The following NAA50 variants were observed in gnomAD, a reference collection of about 807,000 sequenced individuals.
NAA50 encodes the protein N-alpha-acetyltransferase 50, NatE catalytic subunit, also known as N-alpha-acetyltransferase 50.
In NAA50, 7 loss-of-function variants were observed where a neutral mutation model predicts 20.7. That is an observed-to-expected ratio of 0.34 (90% CI 0.19 to 0.63). The LOEUF (loss-of-function observed/expected upper bound fraction) is 0.63, where lower values mean the gene tolerates loss of function less well. Among genes scored for constraint, NAA50 ranks in the 30% least tolerant of loss-of-function variants. The pLI is 0.75. For synonymous variants in NAA50, 54 were observed against 70.6 expected, an observed-to-expected ratio of 0.77 and a Z score of 1.18; for missense variants, 111 against 199.1, an observed-to-expected ratio of 0.56 and a Z score of 2.66.
At chr3:113,730,076 G>T (rs1486757203) in intron 1 of NAA50, among the ~76,000 whole-genome samples, 1 of 152,006 alleles carries the variant, frequency 6.6e-6, no homozygotes, top group Admixed American at 6.6e-5. Context: ...GACTCGGGTG[G>T]ATCACTTGAA....
chr3:113,729,828 G>C (rs1205845471), intron 1 of NAA50, among the ~76,000 whole-genome samples: 8 of 152,094 alleles, frequency 5.3e-5, no homozygotes, highest in Non-Finnish European at 1.0e-4. Context: ...AAAGTGCTGG[G>C]ATTACAGGGA....
In NAA50 at chr3:113,716,638, C is replaced by T. The variant is rs890704358; in HGVS notation, c.*5122G>A. 5 of 152,298 alleles carry T rather than the reference C, an allele frequency of 3.3e-5. No individual in the cohort carries two copies. The highest frequency in any genetic ancestry group is 1.9e-4 in the East Asian group (1 of 5,190). The allele number at this position is 152,298 out of a possible 1,614,324, so 9.4% of individuals were successfully genotyped here. A position where few individuals can be genotyped will look rare whatever the true frequency, so the allele number is the denominator to read the frequency against. ...AAAAGCATTATAATCAGATGTCCTA[C>T]GAAAGCTACAGTGATTCAACATGTG... On this transcript the variant is annotated 3_prime_UTR_variant, in exon 5 of 5. Transcript: ENST00000240922.
rs570114737 is a variant in NAA50, at chr3:113,718,245, G to C, written c.*3515C>G. The C allele has an allele frequency of 6.6e-6, 1 of 152,150 alleles. No individual in the cohort carries two copies. The highest frequency in any genetic ancestry group is 2.4e-5 in the African/African-American group (1 of 41,426). The allele number at this position is 152,150 out of a possible 1,614,324, so 9.4% of individuals were successfully genotyped here. On this transcript the variant is annotated 3_prime_UTR_variant, in exon 5 of 5. Transcript: ENST00000240922. Reference sequence around the variant, plus strand: ...TGAGGAACAGAAGCCCAAGAGCCACGTAAGCAAGACATCTTGGAAATGGCT... The same window carrying C: ...TGAGGAACAGAAGCCCAAGAGCCACCTAAGCAAGACATCTTGGAAATGGCT...
chr3:113,742,807 A>AT (rs767321423), intron 1 of NAA50, among the ~76,000 whole-genome samples: 2 of 152,154 alleles, frequency 1.3e-5, no homozygotes, highest in Non-Finnish European at 2.9e-5. Context: ...TGTTAAAGAC[A>AT]TTTTTTATTA....
At chr3:113,728,113 G>A (rs1462103301) in intron 1 of NAA50, among the ~76,000 whole-genome samples, 1 of 148,274 alleles carries the variant, frequency 6.7e-6, no homozygotes, top group African/African-American at 2.5e-5. Flanking sequence ...TAAGGGATAT[G>A]TAGACATGTC....
rs542993972 is a variant in NAA50 at position 113,734,444 on chromosome 3, G to A, written c.9-10349C>T. 2.1e-4 allele frequency among the ~76,000 whole-genome samples: 32 copies of A among 152,076 alleles called. 1 individual carries two copies. The South Asian group carries it at 4.8e-3, about 23-fold the overall frequency. On this transcript the variant is annotated intron_variant, in intron 1 of 4. Coordinates refer to ENST00000240922, the MANE Select transcript of NAA50 (RefSeq NM_025146.4). ...TAACAAACCGGTACATGTACCCCCT[G>A]GATCTAAGATAAAAGCTGAAAAAGA...
intron 1 of NAA50, among the ~76,000 whole-genome samples, chr3:113,728,834 C>A (rs1487080022): frequency 2.0e-5 from 3 of 152,146 alleles, no homozygotes; most frequent in Non-Finnish European, 4.4e-5. Flanking sequence ...ATACTGCAAA[C>A]AATTTCAAAT....
chr3:113,745,843 C>G (rs1247181263), intron 1 of NAA50, 99 bp downstream of exon 1: 2 of 1,371,960 alleles, frequency 1.5e-6, no homozygotes, highest in Non-Finnish European at 2.0e-6. Context: ...CGCCCGTCTT[C>G]GCCCTGAATC....
chr3:113,729,585 C>G (rs1708245387), intron 1 of NAA50, among the ~76,000 whole-genome samples: 1 of 151,480 alleles, frequency 6.6e-6, no homozygotes, highest in South Asian at 2.1e-4. Context: ...ACTCTGTTGC[C>G]CAGGCTAGAG....
At chr3:113,733,339 AT>A (rs35051788) in intron 1 of NAA50, among the ~76,000 whole-genome samples, 51,916 of 150,026 alleles carry the variant, frequency 0.35, 8,989 homozygotes, top group East Asian at 0.4. Context: ...AAACTACTCA[AT>A]TTTTTTTTTT....
chr3:113,732,326 G>T (rs1559740155), intron 1 of NAA50, among the ~76,000 whole-genome samples: 1 of 152,208 alleles, frequency 6.6e-6, no homozygotes, highest in Non-Finnish European at 1.5e-5. Context: ...AAGGAATGCA[G>T]GTTGCCTATA....
intron 1 of NAA50, chr3:113,741,166 A>G (rs1030560913): frequency 3.7e-6 from 2 of 538,584 alleles, no homozygotes; most frequent in Non-Finnish European, 7.2e-6. Flanking sequence ...GCTTCAAAAC[A>G]TGAACATTAC....
At chr3:113,742,019 T>C (rs1484997569) in intron 1 of NAA50, among the ~76,000 whole-genome samples, 1 of 152,212 alleles carries the variant, frequency 6.6e-6, no homozygotes, top group Non-Finnish European at 1.5e-5. Flanking sequence ...GAACAGTACA[T>C]TGATTTTTTA....
intron 1 of NAA50, among the ~76,000 whole-genome samples, chr3:113,740,323 A>G (rs554212302): frequency 2.0e-5 from 3 of 152,190 alleles, no homozygotes; most frequent in Admixed American, 6.5e-5. Context: ...GTAGATCCAC[A>G]TATCTAAGTT....
chr3:113,736,987 T>C (rs868126602), intron 1 of NAA50, among the ~76,000 whole-genome samples: 3 of 152,170 alleles, frequency 2.0e-5, no homozygotes, highest in Non-Finnish European at 4.4e-5. Flanking sequence ...CTGGATCTAC[T>C]CCCCCTTCAT....
chr3:113,729,171 A>C (rs2107988170), intron 1 of NAA50, among the ~76,000 whole-genome samples: 1 of 152,188 alleles, frequency 6.6e-6, no homozygotes, highest in South Asian at 2.1e-4. Context: ...TTTTTAGTAG[A>C]GATGGGGTTT....
At chr3:113,744,872 A>G (rs1478862899) in intron 1 of NAA50, among the ~76,000 whole-genome samples, 1 of 152,240 alleles carries the variant, frequency 6.6e-6, no homozygotes, top group African/African-American at 2.4e-5. Context: ...TGTTTGGGGC[A>G]GTATGAGATT....
rs183369852 is a variant in NAA50 at position 113,725,067 on chromosome 3, A to G, written c.9-972T>C. Among the ~76,000 whole-genome samples, 35 of 152,348 alleles carry G rather than the reference A, an allele frequency of 2.3e-4. No individual in the cohort carries two copies. In the East Asian group the frequency reaches 5.4e-3, roughly 23 times the overall value. On this transcript the variant is annotated intron_variant, in intron 1 of 4. Coordinates refer to ENST00000240922, the MANE Select transcript of NAA50 (RefSeq NM_025146.4). Reference sequence around the variant, plus strand: ...ATAAAAGGAGCATTCCTAAGAAACCACTTGTAATCAAAACAATTGGGTCCA... The same window carrying G: ...ATAAAAGGAGCATTCCTAAGAAACCGCTTGTAATCAAAACAATTGGGTCCA...
rs1708452198 is a variant in NAA50 at position 113,743,776 on chromosome 3, A to C, written c.8+2166T>G. Among the ~76,000 whole-genome samples the C allele has an allele frequency of 2.0e-5, 3 of 152,368 alleles. No individual in the cohort carries two copies. In the South Asian group the frequency reaches 6.2e-4, roughly 32 times the overall value. Reference sequence around the variant, plus strand: ...TTACTGGCATAAAGGTACAGATTCAATAGTTGTAAGTTTCCTCTAAATTCG... The same window carrying C: ...TTACTGGCATAAAGGTACAGATTCACTAGTTGTAAGTTTCCTCTAAATTCG... On this transcript the variant is annotated intron_variant, in intron 1 of 4. Coordinates refer to ENST00000240922, the MANE Select transcript of NAA50 (RefSeq NM_025146.4).
Sources: allele counts gnomAD v4.1 joint callset (sites outside exome capture counted in the v4.1 genomes callset), GRCh38; gene constraint gnomAD v4.1.1; transcripts MANE v1.5; gene names NCBI Gene and HGNC (gene_info 2026-07-23, HGNC 2026-07-21).